Variants in MICB observed in about 807,000 individuals in gnomAD.
MICB encodes the protein MHC class I polypeptide-related sequence B.
In MICB, 27 loss-of-function variants were observed where a neutral mutation model predicts 34.3. The observed-to-expected ratio is 0.79, with a 90% confidence interval of 0.58 to 1.08. The LOEUF (loss-of-function observed/expected upper bound fraction) is 1.08, where lower values mean the gene tolerates loss of function less well. Among genes scored for constraint, MICB ranks in the 50% least tolerant of loss-of-function variants. The probability of loss-of-function intolerance (pLI) is 0.00; values close to 1 mark genes in which losing one functional copy is unlikely to be tolerated. For synonymous variants in MICB, 153 were observed against 187.4 expected (o/e 0.82, Z 1.50); for missense variants, 426 against 483.1 (o/e 0.88, Z 1.11).
chr6:31,503,629 T>A (rs1765118223), intron 1 of MICB, among the ~76,000 whole-genome samples: 1 of 152,230 alleles, frequency 6.6e-6, no homozygotes, highest in Non-Finnish European at 1.5e-5. Context: ...GGGTCAGATT[T>A]TCATTCCTTT....
intron 1 of MICB, among the ~76,000 whole-genome samples, chr6:31,503,048 G>A (rs1765092678): frequency 6.6e-6 from 1 of 152,212 alleles, no homozygotes; most frequent in South Asian, 2.1e-4. Context: ...TACATTGATT[G>A]ATTTGTGTAT....
rs1216258695 is a variant in MICB at position 31,505,719 on chromosome 6, G to A, written c.173G>A (p.Arg58His). 4.0e-5 allele frequency: 65 copies of A among 1,613,136 alleles called. No homozygotes were observed. The highest frequency in any genetic ancestry group is 5.4e-5 in the Non-Finnish European group (64 of 1,180,048). ...EGHLDGQPFL[R>H]YDRQKRRAKP... ...CATCTGGATGGTCAGCCCTTCCTGC[G>A]CTATGACAGGCAGAAACGCAGGGCA... The change falls in exon 2 of 6, where the codon CGC (arginine) becomes CAC (histidine). Residue 58 changes from arginine to histidine, a missense_variant. Transcript: ENST00000252229.
rs45519735 is a variant in MICB at position 31,507,278 on chromosome 6, C to T, written c.870C>T (p.His290=). The T allele has an allele frequency of 7.9e-3, 12,718 of 1,613,268 alleles. 225 individuals carry two copies. The highest frequency in any genetic ancestry group is 0.049 in the Middle Eastern group (294 of 6,020). Residue 290 remains histidine (H), a synonymous_variant, in exon 4 of 6, where the codon CAC becomes CAT. Transcript: ENST00000252229. This position sits in a 1 kb window ranked among gnomAD's most constrained non-coding sequence, Gnocchi z 6.0. ...FTCYMEHSGN[H]GTHPVPSGKA... ...GCTACATGGAACACAGCGGGAATCA[C>T]GGCACTCACCCTGTGCCCTCTGGTG...
rs369512667 is a variant in MICB, at chr6:31,505,718, C to T, written c.172C>T (p.Arg58Cys). ...ACATCTGGATGGTCAGCCCTTCCTG[C>T]GCTATGACAGGCAGAAACGCAGGGC... ...EGHLDGQPFL[R>C]YDRQKRRAKP... Residue 58 changes from arginine (R) to cysteine (C), a missense_variant, in exon 2 of 6, where the codon CGC (arginine) becomes TGC (cysteine). Physicochemically the swap from Arg to Cys is radical, Grantham distance 180. Transcript: ENST00000252229. 30 of 1,612,958 alleles carry T rather than the reference C, an allele frequency of 1.9e-5. No individual in the cohort carries two copies. Among genetic ancestry groups the T allele is most frequent in the Non-Finnish European group, 2.4e-5 (28 of 1,180,040 alleles).
At chr6:31,495,705 T>C (rs1764616876), upstream of MICB, among the ~76,000 whole-genome samples, 1 of 151,868 alleles carries the variant, frequency 6.6e-6, no homozygotes, top group South Asian at 2.1e-4. Flanking sequence ...GGGTTCATAG[T>C]CTAATGGGGG....
Position 31,510,004 on chromosome 6 carries a change from T to G in MICB, c.*95T>G, listed in dbSNP as rs564803794. ...GACCTATGAAACAGAGAAAATAACA[T>G]CACTTATTTATTGTTGTTGGATGCT... is the stretch of plus-strand genomic sequence containing the variant. On this transcript the variant is annotated 3_prime_UTR_variant, in exon 6 of 6. Transcript: ENST00000252229. 9 of 1,364,406 alleles carry G rather than the reference T, an allele frequency of 6.6e-6. No individual in the cohort carries two copies. The East Asian group carries it at 1.9e-4, about 29-fold the overall frequency. The allele number at this position is 1,364,406 out of a possible 1,614,324, so 84.5% of individuals were successfully genotyped here. A position where few individuals can be genotyped will look rare whatever the true frequency, so the allele number is the denominator to read the frequency against.
upstream of MICB, chr6:31,498,100 G>C (rs1038155296): frequency 2.2e-5 from 22 of 1,017,638 alleles, no homozygotes; most frequent in South Asian, 7.2e-5. Flanking sequence ...GTCGCTGAGC[G>C]GGGCGCAGGT....
In MICB at chr6:31,507,280, G is replaced by A. The variant is rs770843869; in HGVS notation, c.872G>A (p.Gly291Asp). 6.2e-7 allele frequency: 1 copy of A among 1,613,292 alleles called. No individual in the cohort carries two copies. The highest frequency in any genetic ancestry group is 2.2e-5 in the East Asian group (1 of 44,792). Residue 291 changes from glycine to aspartate, a missense_variant, in exon 4 of 6, where the codon GGC (glycine) becomes GAC (aspartate). Gly to Asp is a moderately conservative substitution (Grantham distance 94). Coordinates refer to ENST00000252229, the MANE Select transcript of MICB (RefSeq NM_005931.5). This position sits in a 1 kb window ranked among gnomAD's most constrained non-coding sequence, Gnocchi z 6.0. ...TCYMEHSGNH[G>D]THPVPSGKAL... ...TACATGGAACACAGCGGGAATCACGGCACTCACCCTGTGCCCTCTGGTGAG... is the reference window on the plus strand; with the variant it reads ...TACATGGAACACAGCGGGAATCACGACACTCACCCTGTGCCCTCTGGTGAG...
chr6:31,506,816 A>T (rs1157118148), intron 3 of MICB, among the ~76,000 whole-genome samples: 1 of 152,000 alleles, frequency 6.6e-6, no homozygotes, highest in African/African-American at 2.4e-5. Flanking sequence ...CAATGTGGGG[A>T]TCCCAGAGCC....
chr6:31,498,092 C>A, upstream of MICB: 2 of 923,408 alleles, frequency 2.2e-6, no homozygotes, highest in Non-Finnish European at 1.6e-6. Flanking sequence ...GATAAGCGGT[C>A]GCTGAGCGGG....
Position 31,506,316 on chromosome 6 carries a change from A to G in MICB, c.499A>G (p.Asn167Asp), listed in dbSNP as rs763423925. ...RAQTLAMNVT[N>D]FWKEDAMKTK... Reference sequence around the variant, plus strand: ...TCAGACCTTGGCTATGAACGTCACAAATTTCTGGAAGGAAGATGCCATGAA... The same window carrying G: ...TCAGACCTTGGCTATGAACGTCACAGATTTCTGGAAGGAAGATGCCATGAA... Residue 167 changes from asparagine to aspartate, a missense_variant, in exon 3 of 6, where the codon AAT (asparagine) becomes GAT (aspartate). By Grantham distance (23) the Asn-to-Asp change is conservative. Coordinates refer to ENST00000252229, the MANE Select transcript of MICB (RefSeq NM_005931.5). The G allele has an allele frequency of 3.1e-6, 5 of 1,614,150 alleles. No homozygotes were observed. The highest frequency in any genetic ancestry group is 4.2e-6 in the Non-Finnish European group (5 of 1,180,036).
Position 31,498,199 on chromosome 6 carries a change from G to C in MICB, c.6G>C (p.Gly2=). The C allele has an allele frequency of 6.3e-7, 1 of 1,583,158 alleles. No homozygotes were observed. Among genetic ancestry groups the C allele is most frequent in the Non-Finnish European group, 8.6e-7 (1 of 1,162,918 alleles). ...AAGGTGGCGACGTAGGGGCCATGGG[G>C]CTGGGCCGGGTCCTGCTGTTTCTGG... is the stretch of plus-strand genomic sequence containing the variant. M[G]LGRVLLFLAV... Residue 2 remains glycine, a synonymous_variant, in exon 1 of 6, where the codon GGG becomes GGC. Transcript: ENST00000252229.
chr6:31,506,941 C>T (rs987711288), intron 3 of MICB, 81 bp from the exon 4 acceptor site: 1 of 1,551,330 alleles, frequency 6.4e-7, no homozygotes, highest in Non-Finnish European at 8.7e-7. Flanking sequence ...AGAGTGAGAA[C>T]AGTGGAGAGG....
rs534857030 is a variant in MICB at position 31,499,126 on chromosome 6, G to A, written c.70+863G>A. Among the ~76,000 whole-genome samples, 6 of 152,212 alleles carry A rather than the reference G, an allele frequency of 3.9e-5. No homozygotes were observed. The East Asian group carries it at 7.7e-4, about 20-fold the overall frequency. On this transcript the variant is annotated intron_variant, in intron 1 of 5. Coordinates refer to ENST00000252229, the MANE Select transcript of MICB (RefSeq NM_005931.5). ...TGCTGTGGGGACTGTGGGGGGTCCT[G>A]ACTCTCAAGCTGAGGGGTTGGAGTC...
intron 1 of MICB, among the ~76,000 whole-genome samples, chr6:31,501,302 T>C (rs961508898): frequency 1.3e-4 from 20 of 152,226 alleles, no homozygotes; most frequent in African/African-American, 4.6e-4. Context: ...TCCTATAGAG[T>C]TGTTTGAGAT....
upstream of MICB, chr6:31,498,144 C>A (rs559001947): frequency 2.0e-6 from 3 of 1,488,416 alleles, no homozygotes; most frequent in South Asian, 1.2e-5. Context: ...TCACGGGTTT[C>A]ATTCAGTTGG....
intron 1 of MICB, among the ~76,000 whole-genome samples, chr6:31,504,248 CTTTTTCTTTTTTTTT>C (rs1207281552): frequency 4.2e-5 from 3 of 71,434 alleles, no homozygotes; most frequent in Non-Finnish European, 8.0e-5. Flanking sequence ...TAATCTCTCT[CTTTTTCTTTTTTTTT>C]TTTTTTTTTT....
At chr6:31,498,960 C>T (rs1469897635) in intron 1 of MICB, among the ~76,000 whole-genome samples, 1 of 152,182 alleles carries the variant, frequency 6.6e-6, no homozygotes, top group Non-Finnish European at 1.5e-5. Context: ...GCTGAGGCAG[C>T]CACTTCCCCC....
chr6:31,496,249 T>C (rs2534677), upstream of MICB, among the ~76,000 whole-genome samples: 22,709 of 152,282 alleles, frequency 0.15, 1,896 homozygotes, highest in Admixed American at 0.24. Flanking sequence ...AATTGAGAAT[T>C]CACATGCCAC....
Sources: allele counts gnomAD v4.1 joint callset (sites outside exome capture counted in the v4.1 genomes callset), GRCh38; gene constraint gnomAD v4.1.1; non-coding constraint Gnocchi (gnomAD v3.1); transcripts MANE v1.5; gene names NCBI Gene and HGNC (gene_info 2026-07-23, HGNC 2026-07-21).